Variants in EPB41L4A observed in about 807,000 individuals in gnomAD.
The protein encoded by EPB41L4A is band 4.1-like protein 4A.
In EPB41L4A, 100 loss-of-function variants were observed where a neutral mutation model predicts 108.6. That is an observed-to-expected ratio of 0.92 (90% confidence interval 0.78 to 1.09). The LOEUF is 1.09. Ranked by LOEUF, EPB41L4A falls within the 50% of genes least tolerant of loss-of-function variation. The pLI is 0.00. For missense variants in EPB41L4A, 1,030 were observed against 842.7 expected, an observed-to-expected ratio of 1.22 and a Z score of -2.75; for synonymous variants, 319 against 289.0, an observed-to-expected ratio of 1.10 and a Z score of -1.05.
chr5:112,219,593 G>A lies in EPB41L4A; in HGVS notation c.1088-9611C>T, dbSNP rs1747900755. Among the ~76,000 whole-genome samples the A allele has an allele frequency of 3.3e-5, 5 of 152,190 alleles. No homozygotes were observed. In the South Asian group the frequency reaches 1.0e-3, roughly 32 times the overall value. ...TTCCCATGACCATAAAGCTCTAAATGTAAAAAATTTCTTCTGAACTAAGTT... is the reference window on the plus strand; with the variant it reads ...TTCCCATGACCATAAAGCTCTAAATATAAAAAATTTCTTCTGAACTAAGTT... On this transcript the variant is annotated intron_variant, in intron 12 of 22. Transcript: ENST00000261486.
chr5:112,352,676 CTTA>C (rs1758121010), intron 1 of EPB41L4A, among the ~76,000 whole-genome samples: 1 of 152,078 alleles, frequency 6.6e-6, no homozygotes, highest in South Asian at 2.1e-4. Flanking sequence ...TTCTTCCTTT[CTTA>C]TTATTATCAC....
Position 112,170,988 on chromosome 5 carries a change from T to C in EPB41L4A, c.1627A>G (p.Ser543Gly). ...TCTTCTTTTGCTTGGATATCGGGGC[T>C]TCTCCTATAAATAGAGAAAACAACA... ...RRSRHRSRSR[S>G]PDIQAKEELW... is the part of the protein sequence containing the mutation. Residue 543 changes from serine to glycine, a missense_variant, in exon 19 of 23, where the codon AGC (serine) becomes GGC (glycine). Transcript: ENST00000261486. The C allele has an allele frequency of 6.2e-7, 1 of 1,613,322 alleles. No homozygotes were observed. Among genetic ancestry groups the C allele is most frequent in the Non-Finnish European group, 8.5e-7 (1 of 1,179,274 alleles).
At position 112,236,283 on chromosome 5, in the gene EPB41L4A, C is replaced by G. The variant is rs371393596; in HGVS notation, c.966-1528G>C. ...GCCATAGGCTATACAGGACCCAGCA[C>G]TAGAACAAGCTTTCTGACCTCCTGC... On this transcript the variant is annotated intron_variant, in intron 11 of 22. Transcript: ENST00000261486. 4.4e-4 allele frequency among the ~76,000 whole-genome samples: 67 copies of G among 152,290 alleles called. 1 individual carries two copies. In the South Asian group the frequency reaches 0.013, roughly 29 times the overall value.
At chr5:112,262,686 T>G in intron 6 of EPB41L4A, 105 bp from the exon 7 acceptor site, 1 of 974,016 alleles carries the variant, frequency 1.0e-6, no homozygotes, top group Non-Finnish European at 1.6e-6. Flanking sequence ...AATAATACTT[T>G]TTACTAATGC....
At chr5:112,380,738 C>T (rs1399717876) in intron 1 of EPB41L4A, among the ~76,000 whole-genome samples, 2 of 151,802 alleles carry the variant, frequency 1.3e-5, no homozygotes, top group Non-Finnish European at 2.9e-5. Flanking sequence ...TTATATGATG[C>T]TGTTATAACT....
chr5:112,354,098 C>T (rs1164061614), intron 1 of EPB41L4A, among the ~76,000 whole-genome samples: 4 of 152,182 alleles, frequency 2.6e-5, no homozygotes, highest in Non-Finnish European at 5.9e-5. Context: ...GAGCAAATAA[C>T]CTCATCTGCA....
intron 1 of EPB41L4A, among the ~76,000 whole-genome samples, chr5:112,348,664 C>T (rs1757842673): frequency 1.3e-5 from 2 of 152,160 alleles, no homozygotes; most frequent in Admixed American, 6.6e-5. Context: ...ATGAAGTATT[C>T]AGGTGTTTTA....
Position 112,164,889 on chromosome 5 carries a change from T to C in EPB41L4A, c.*101A>G, listed in dbSNP as rs978912757. ...GTATTTTCTCATGCTGAAGAAATAC[T>C]TGCAGGTCTGAGATTTGAATTAAGA... is the stretch of plus-strand genomic sequence containing the variant. On this transcript the variant is annotated 3_prime_UTR_variant, in exon 23 of 23. Transcript: ENST00000261486. 1.8e-5 allele frequency: 21 copies of C among 1,192,890 alleles called. No homozygotes were observed. Among genetic ancestry groups the C allele is most frequent in the Non-Finnish European group, 2.4e-5 (21 of 878,788 alleles). The allele number at this position is 1,192,890 out of a possible 1,614,324, so 73.9% of individuals were successfully genotyped here. A position where few individuals can be genotyped will look rare whatever the true frequency, so the allele number is the denominator to read the frequency against.
At chr5:112,207,592 G>C (rs529545298) in intron 13 of EPB41L4A, among the ~76,000 whole-genome samples, 30 of 152,088 alleles carry the variant, frequency 2.0e-4, no homozygotes, top group Admixed American at 1.1e-3. Context: ...AACAAACAAT[G>C]CCATTAAAAA....
chr5:112,213,889 T>C (rs7709484), intron 12 of EPB41L4A, among the ~76,000 whole-genome samples: 119,171 of 152,158 alleles, frequency 0.78, 47,369 homozygotes, highest in East Asian at 1. Flanking sequence ...AAATATGTAA[T>C]CTAAAAGCAG....
intron 11 of EPB41L4A, among the ~76,000 whole-genome samples, chr5:112,237,346 T>C (rs1040487435): frequency 1.3e-5 from 2 of 152,192 alleles, no homozygotes; most frequent in African/African-American, 4.8e-5. Context: ...GATTTTTCCC[T>C]TAAGTAAGCA....
At chr5:112,296,969 T>C (rs910787107) in intron 2 of EPB41L4A, among the ~76,000 whole-genome samples, 4 of 147,546 alleles carry the variant, frequency 2.7e-5, no homozygotes, top group South Asian at 4.3e-4. Flanking sequence ...TAGTATTCCA[T>C]CACATACATA....
At chr5:112,364,890 A>G (rs902339432) in intron 1 of EPB41L4A, among the ~76,000 whole-genome samples, 1 of 152,232 alleles carries the variant, frequency 6.6e-6, no homozygotes, top group African/African-American at 2.4e-5. Context: ...GTCTAAATGT[A>G]ATTTATTACA....
At chr5:112,207,820 G>T (rs1762543196) in intron 13 of EPB41L4A, among the ~76,000 whole-genome samples, 2 of 152,116 alleles carry the variant, frequency 1.3e-5, no homozygotes, top group African/African-American at 4.8e-5. Context: ...ACACTGTTGG[G>T]GGAAATATAA....
intron 1 of EPB41L4A, among the ~76,000 whole-genome samples, chr5:112,414,073 G>C (rs979745141): frequency 6.6e-6 from 1 of 152,110 alleles, no homozygotes; most frequent in Non-Finnish European, 1.5e-5. Flanking sequence ...GAAACGACTC[G>C]GCTAGTAAGT....
At chr5:112,198,848 CTAAATAAT>C (rs1476789842) in intron 15 of EPB41L4A, among the ~76,000 whole-genome samples, 2 of 135,986 alleles carry the variant, frequency 1.5e-5, no homozygotes, top group Non-Finnish European at 3.3e-5. Context: ...TTTCATCTTT[CTAAATAAT>C]TAGTTTTTTA....
At chr5:112,282,160 G>A (rs1443196033) in intron 2 of EPB41L4A, among the ~76,000 whole-genome samples, 1 of 152,136 alleles carries the variant, frequency 6.6e-6, no homozygotes, top group Non-Finnish European at 1.5e-5. Context: ...ATGAGGCTTT[G>A]GTGTTAAAAT....
chr5:112,279,225 T>TC (rs1752805340), intron 3 of EPB41L4A, among the ~76,000 whole-genome samples: 1 of 152,070 alleles, frequency 6.6e-6, no homozygotes, highest in Non-Finnish European at 1.5e-5. Context: ...ATGCTGACAT[T>TC]CATAGAAACA....
chr5:112,229,633 C>A (rs1748722050), intron 12 of EPB41L4A, among the ~76,000 whole-genome samples: 1 of 152,080 alleles, frequency 6.6e-6, no homozygotes, highest in African/African-American at 2.4e-5. Context: ...TAGCTTAGCT[C>A]CCACTTAAAA....
Sources: gnomAD v4.1 joint callset for allele counts (sites outside exome capture counted in the v4.1 genomes callset) on GRCh38, gnomAD v4.1.1 for gene constraint, MANE v1.5 for transcripts, NCBI Gene and HGNC (gene_info 2026-07-23, HGNC 2026-07-21) for gene names.